The following MAP4K5 variants were observed in gnomAD, a reference collection of about 807,000 sequenced individuals.
MAP4K5 encodes mitogen-activated protein kinase kinase kinase kinase 5, also known as MAPK/ERK kinase kinase kinase 5.
MAP4K5 carries 82 observed loss-of-function variants against 135.6 expected under a neutral mutation model. That is an observed-to-expected ratio of 0.60 (90% CI 0.51 to 0.73). The LOEUF is 0.73. Among genes scored for constraint, MAP4K5 ranks in the 30% least tolerant of loss-of-function variants. The pLI is 0.00. For synonymous variants in MAP4K5, 347 were observed against 335.0 expected, an observed-to-expected ratio of 1.04 and a Z score of -0.39; for missense variants, 907 against 1,010.9, an observed-to-expected ratio of 0.90 and a Z score of 1.39.
chr14:50,493,117 C>A (rs925385078), intron 3 of MAP4K5, among the ~76,000 whole-genome samples: 1 of 152,006 alleles, frequency 6.6e-6, no homozygotes, highest in African/African-American at 2.4e-5. Context: ...TCTGTTTGTT[C>A]AAGAGACAAG....
At chr14:50,560,225 C>G in intron 1 of MAP4K5, 1 of 1,612,022 alleles carries the variant, frequency 6.2e-7, no homozygotes, top group Non-Finnish European at 8.5e-7. Context: ...AGGCAGCGAG[C>G]GCAGTGACAG....
At chr14:50,510,696 TTAC>T (rs1254343298) in intron 2 of MAP4K5, among the ~76,000 whole-genome samples, 1 of 152,174 alleles carries the variant, frequency 6.6e-6, no homozygotes, top group Non-Finnish European at 1.5e-5. Context: ...TTGAAAAAAA[TTAC>T]TACAAAAGTA....
intron 9 of MAP4K5, chr14:50,472,508 G>A (rs147705349): frequency 3.9e-4 from 60 of 152,152 alleles, no homozygotes; most frequent in African/African-American, 1.4e-3. Context: ...TGAATGTAAG[G>A]AATATGGGAA....
At chr14:50,433,741 A>T (rs2036026805) in intron 28 of MAP4K5, among the ~76,000 whole-genome samples, 6 of 152,228 alleles carry the variant, frequency 3.9e-5, no homozygotes, top group Admixed American at 3.9e-4. Flanking sequence ...TGGCATATGT[A>T]AAAATGGCCT....
intron 3 of MAP4K5, among the ~76,000 whole-genome samples, chr14:50,495,527 T>C (rs757842887): frequency 3.3e-5 from 5 of 152,156 alleles, no homozygotes; most frequent in Non-Finnish European, 7.4e-5. Flanking sequence ...AAATTAAAGG[T>C]GGAACTATCA....
intron 9 of MAP4K5, among the ~76,000 whole-genome samples, chr14:50,470,975 C>G (rs1021136549): frequency 6.6e-5 from 10 of 152,100 alleles, no homozygotes; most frequent in African/African-American, 2.4e-4. Context: ...TCAAATTATG[C>G]TTCAAAATCG....
chr14:50,475,872 T>G (rs940357214), intron 8 of MAP4K5, among the ~76,000 whole-genome samples: 3 of 152,264 alleles, frequency 2.0e-5, no homozygotes, highest in African/African-American at 7.2e-5. Flanking sequence ...TTGCTAGACT[T>G]ACATTTGCAT....
intron 20 of MAP4K5, 39 bp from the exon 21 acceptor site, chr14:50,442,855 G>A: frequency 8.3e-7 from 1 of 1,203,460 alleles, no homozygotes; most frequent in Non-Finnish European, 1.2e-6. Flanking sequence ...TATTTGATTA[G>A]AAAATTTTAT....
chr14:50,531,904 G>A lies in MAP4K5; in HGVS notation c.108+38C>T, dbSNP rs1268562899. 7 of 1,405,276 alleles carry A rather than the reference G, an allele frequency of 5.0e-6. No homozygotes were observed. In the East Asian group the frequency reaches 1.2e-4, roughly 25 times the overall value. The allele number at this position is 1,405,276 out of a possible 1,614,324, so 87.1% of individuals were successfully genotyped here. On this transcript the variant is annotated intron_variant, in intron 2 of 32. Transcript: ENST00000682126. ...AAAGTGGCCCCATTCCCGGGACCCAGTCGACCGCAGGAAAAAAGCACGGCC... is the reference window on the plus strand; with the variant it reads ...AAAGTGGCCCCATTCCCGGGACCCAATCGACCGCAGGAAAAAAGCACGGCC...
At position 50,437,520 on chromosome 14, in the gene MAP4K5, G is replaced by A. The variant is rs1184778885; in HGVS notation, c.1838C>T (p.Thr613Ile). Residue 613 changes from threonine (T) to isoleucine (I), a missense_variant, in exon 26 of 33, where the codon ACA becomes ATA. Physicochemically the swap from Thr to Ile is moderately conservative, Grantham distance 89. Transcript: ENST00000682126. ...DRILPRKFAL[T>I]TKIPDTKGCH... ...GCCTTTTGTATCAGGAATCTTTGTT[G>A]TTAAAGCGAATTTTCTGAAAACGTA... 1.9e-6 allele frequency: 3 copies of A among 1,600,876 alleles called. No homozygotes were observed. Among genetic ancestry groups the A allele is most frequent in the Non-Finnish European group, 2.6e-6 (3 of 1,174,174 alleles).
intron 2 of MAP4K5, among the ~76,000 whole-genome samples, chr14:50,524,921 G>A (rs1255543246): frequency 6.6e-6 from 1 of 152,140 alleles, no homozygotes; most frequent in Non-Finnish European, 1.5e-5. Context: ...CAAGAATGGA[G>A]GCAGCTGATG....
chr14:50,431,730 T>C (rs2139655933), intron 28 of MAP4K5, among the ~76,000 whole-genome samples: 1 of 151,932 alleles, frequency 6.6e-6, no homozygotes, highest in Middle Eastern at 3.4e-3. Context: ...CATGTGTCTT[T>C]ATAGCAGCAT....
At chr14:50,482,138 C>T (rs1022818688) in intron 6 of MAP4K5, among the ~76,000 whole-genome samples, 6 of 152,070 alleles carry the variant, frequency 3.9e-5, no homozygotes, top group African/African-American at 1.4e-4. Context: ...CTGTATATGT[C>T]GGCATCAGCT....
chr14:50,465,399 C>G (rs1033881658), intron 11 of MAP4K5, among the ~76,000 whole-genome samples: 7 of 152,172 alleles, frequency 4.6e-5, no homozygotes, highest in Non-Finnish European at 8.8e-5. Context: ...ATGGGGAAGA[C>G]ATTACCAGAA....
At chr14:50,476,889 TC>T (rs780241831) in intron 6 of MAP4K5, among the ~76,000 whole-genome samples, 9 of 152,228 alleles carry the variant, frequency 5.9e-5, no homozygotes, top group Non-Finnish European at 1.3e-4. Context: ...TTCCCATTCT[TC>T]CCCACAACCC....
chr14:50,434,339 G>T, intron 28 of MAP4K5, 55 bp downstream of exon 28: 1 of 1,421,510 alleles, frequency 7.0e-7, no homozygotes, highest in Non-Finnish European at 9.6e-7. Context: ...GTGGTGTTTT[G>T]CTTCTTTTAT....
At chr14:50,490,450 G>C (rs978360324) in intron 3 of MAP4K5, among the ~76,000 whole-genome samples, 3 of 152,120 alleles carry the variant, frequency 2.0e-5, no homozygotes, top group Non-Finnish European at 4.4e-5. Context: ...AAAAACCACT[G>C]TATTACTGTT....
chr14:50,485,184 A>T (rs2139927023), intron 5 of MAP4K5, among the ~76,000 whole-genome samples: 1 of 152,282 alleles, frequency 6.6e-6, no homozygotes, highest in Admixed American at 6.5e-5. Context: ...ATACAAAAAT[A>T]TTACAGTAAC....
chr14:50,475,018 T>G, intron 9 of MAP4K5, 59 bp downstream of exon 9: 1 of 1,380,318 alleles, frequency 7.2e-7, no homozygotes, highest in East Asian at 2.3e-5. Flanking sequence ...GTATCGAGGT[T>G]GATCACAAAA....
Sources: gnomAD v4.1 joint callset for allele counts (sites outside exome capture counted in the v4.1 genomes callset) on GRCh38, gnomAD v4.1.1 for gene constraint, MANE v1.5 for transcripts, NCBI Gene and HGNC (gene_info 2026-07-23, HGNC 2026-07-21) for gene names.